Variants in ROBO2 observed in about 807,000 individuals in gnomAD.
The protein encoded by ROBO2 is roundabout guidance receptor 2.
A neutral mutation model predicts 160.8 loss-of-function variants in ROBO2; 53 were observed. The observed-to-expected ratio is 0.33, with a 90% CI of 0.26 to 0.41. The LOEUF (loss-of-function observed/expected upper bound fraction) is 0.41. ROBO2 is among the 10% of genes least tolerant of loss of function. The pLI, the probability that ROBO2 is intolerant of heterozygous loss-of-function variation, is 1.00. For missense variants in ROBO2, 1,577 were observed against 1,722.4 expected (o/e 0.92, Z 1.49); for synonymous variants, 664 against 611.7 (o/e 1.09, Z -1.26).
chr3:76,887,353 G>T (rs922027962), intron 2 of ROBO2, among the ~76,000 whole-genome samples: 9 of 151,756 alleles, frequency 5.9e-5, no homozygotes, highest in African/African-American at 1.9e-4. Flanking sequence ...AAACTTCTGT[G>T]TCGCTAGTTC....
intron 2 of ROBO2, among the ~76,000 whole-genome samples, chr3:76,916,666 T>C (rs2076333503): frequency 6.6e-6 from 1 of 151,776 alleles, no homozygotes; most frequent in Non-Finnish European, 1.5e-5. Flanking sequence ...ACATATGAGA[T>C]AGTATCAAGA....
At chr3:76,181,347 A>G (rs776920683) in intron 2 of ROBO2, among the ~76,000 whole-genome samples, 1 of 152,020 alleles carries the variant, frequency 6.6e-6, no homozygotes, top group South Asian at 2.1e-4. Context: ...ATTGTATAAT[A>G]TATCTAAGAA....
At chr3:76,078,269 C>T (rs77461990) in intron 2 of ROBO2, among the ~76,000 whole-genome samples, 3,817 of 152,238 alleles carry the variant, frequency 0.025, 159 homozygotes, top group African/African-American at 0.086. Context: ...TTCATAGAAA[C>T]AGATTCGGAT....
chr3:76,537,304 G>C (rs934467257), intron 2 of ROBO2, among the ~76,000 whole-genome samples: 2 of 152,132 alleles, frequency 1.3e-5, no homozygotes, highest in Admixed American at 6.6e-5. Flanking sequence ...AATTATCTAA[G>C]TCTTGTAGGA....
At chr3:76,052,260 G>A (rs73842908) in intron 2 of ROBO2, among the ~76,000 whole-genome samples, 3,121 of 152,046 alleles carry the variant, frequency 0.021, 43 homozygotes, top group East Asian at 0.081. Context: ...ATGGAGTAAT[G>A]TAAATACTAA....
At chr3:76,237,096 T>G (rs1248750174) in intron 2 of ROBO2, among the ~76,000 whole-genome samples, 2 of 151,990 alleles carry the variant, frequency 1.3e-5, no homozygotes, top group African/African-American at 4.8e-5. Context: ...TTAAATATTT[T>G]ACTGAATGAA....
At chr3:76,803,147 T>A (rs954238397) in intron 2 of ROBO2, among the ~76,000 whole-genome samples, 11 of 152,196 alleles carry the variant, frequency 7.2e-5, no homozygotes, top group African/African-American at 2.4e-4. Context: ...CATATTTGTA[T>A]AATTTGTCTC....
At chr3:77,291,040 G>A (rs2061159599) in intron 2 of ROBO2, among the ~76,000 whole-genome samples, 1 of 149,732 alleles carries the variant, frequency 6.7e-6, no homozygotes, top group South Asian at 2.1e-4. Flanking sequence ...AAAATTGATG[G>A]TTAAACGAGT....
intron 2 of ROBO2, among the ~76,000 whole-genome samples, chr3:77,139,407 AC>A (rs2076530722): frequency 6.6e-6 from 1 of 152,192 alleles, no homozygotes; most frequent in Non-Finnish European, 1.5e-5. Context: ...AGTGGATTGT[AC>A]TTGGAGCAGT....
At chr3:77,272,043 G>A (rs1015445653) in intron 2 of ROBO2, among the ~76,000 whole-genome samples, 2 of 152,124 alleles carry the variant, frequency 1.3e-5, no homozygotes, top group African/African-American at 4.8e-5. Flanking sequence ...CATAGCACAG[G>A]TGGCTATAAT....
chr3:76,085,112 TATATACACAC>T (rs2068965406), intron 2 of ROBO2, among the ~76,000 whole-genome samples: 1 of 146,690 alleles, frequency 6.8e-6, no homozygotes, highest in Non-Finnish European at 1.5e-5. Flanking sequence ...CATATATATA[TATATACACAC>T]ACACACACAC....
chr3:76,021,378 A>G (rs1327471118), intron 2 of ROBO2, among the ~76,000 whole-genome samples: 3 of 151,878 alleles, frequency 2.0e-5, no homozygotes, highest in Non-Finnish European at 2.9e-5. Context: ...AGATAGAACA[A>G]TGGAAACATT....
intron 2 of ROBO2, among the ~76,000 whole-genome samples, chr3:76,793,917 A>C (rs535589744): frequency 2.3e-4 from 35 of 151,968 alleles, no homozygotes; most frequent in African/African-American, 8.4e-4. Context: ...TCAAATCTTT[A>C]TCCTATTTGA....
In ROBO2 at chr3:76,493,293, T is replaced by G. The variant is rs369853371; in HGVS notation, c.109+555691T>G. Among the ~76,000 whole-genome samples the G allele has an allele frequency of 1.5e-3, 219 of 144,616 alleles. 1 individual carries two copies. The South Asian group carries it at 0.028, about 18-fold the overall frequency. 94.9% of individuals were successfully genotyped at this position (144,616 alleles called of 152,430 possible). On this transcript the variant is annotated intron_variant, in intron 2 of 26. Transcript: ENST00000487694. ...CTTTCTCTGAAACAAACCTGTGGTA[T>G]TAACATATCTTAGCACTTGAACCCA... is the stretch of plus-strand genomic sequence containing the variant.
At chr3:77,169,541 G>A (rs914971086) in intron 2 of ROBO2, among the ~76,000 whole-genome samples, 2 of 152,076 alleles carry the variant, frequency 1.3e-5, no homozygotes, top group East Asian at 3.9e-4. Context: ...TAAATACAAT[G>A]CAAGTATATA....
chr3:76,020,648 T>C (rs1401874915), intron 2 of ROBO2, among the ~76,000 whole-genome samples: 1 of 151,890 alleles, frequency 6.6e-6, no homozygotes, highest in Admixed American at 6.6e-5. Flanking sequence ...TGTTCCATAT[T>C]TTAATTGTAT....
chr3:76,924,262 G>A (rs930167117), intron 2 of ROBO2, among the ~76,000 whole-genome samples: 6 of 152,156 alleles, frequency 3.9e-5, no homozygotes, highest in Admixed American at 3.9e-4. Context: ...CTTCCACTGC[G>A]ATGGTATTGG....
intron 2 of ROBO2, among the ~76,000 whole-genome samples, chr3:76,386,526 G>T (rs923438471): frequency 1.3e-5 from 2 of 151,840 alleles, no homozygotes; most frequent in Non-Finnish European, 2.9e-5. Flanking sequence ...GGGTTTTTTA[G>T]GGGTTTTTAA....
intron 2 of ROBO2, among the ~76,000 whole-genome samples, chr3:76,233,420 A>G (rs1704743690): frequency 6.6e-6 from 1 of 152,140 alleles, no homozygotes; most frequent in Non-Finnish European, 1.5e-5. Flanking sequence ...CTGGGATGAC[A>G]GTTGTGAGCC....
Sources: allele counts gnomAD v4.1 joint callset (sites outside exome capture counted in the v4.1 genomes callset), GRCh38; gene constraint gnomAD v4.1.1; transcripts MANE v1.5; gene names NCBI Gene and HGNC (gene_info 2026-07-23, HGNC 2026-07-21).